TMEM232: variants seen among roughly 807,000 people sequenced by gnomAD.
The protein encoded by TMEM232 is transmembrane protein 232.
In TMEM232, 80 loss-of-function variants were observed where a neutral mutation model predicts 78.8. The ratio of observed to expected loss-of-function variants is 1.01; its 90% CI spans 0.85 to 1.22. The LOEUF (loss-of-function observed/expected upper bound fraction) is 1.22. Ranked by LOEUF, TMEM232 falls within the 50% of genes most tolerant of loss-of-function variation. The pLI is 0.00. For missense variants in TMEM232, 881 were observed against 742.2 expected, an observed-to-expected ratio of 1.19 and a Z score of -2.17; for synonymous variants, 297 against 254.3, an observed-to-expected ratio of 1.17 and a Z score of -1.60.
At chr5:110,642,042 G>A (rs1786804384) in intron 3 of TMEM232, among the ~76,000 whole-genome samples, 1 of 151,898 alleles carries the variant, frequency 6.6e-6, no homozygotes, top group Non-Finnish European at 1.5e-5. Flanking sequence ...GTTTTGCTAT[G>A]GGCTGCTGGA....
chr5:110,527,801 A>G (rs908259152), intron 12 of TMEM232, among the ~76,000 whole-genome samples: 2 of 152,030 alleles, frequency 1.3e-5, no homozygotes, highest in Admixed American at 1.3e-4. Flanking sequence ...AGCTGACTTT[A>G]TAGTAAATGT....
chr5:110,539,617 T>C (rs1404180637), intron 11 of TMEM232, among the ~76,000 whole-genome samples: 1 of 152,182 alleles, frequency 6.6e-6, no homozygotes, highest in East Asian at 1.9e-4. Context: ...CTCAAGGTTT[T>C]TGGGACAGGC....
chr5:110,586,643 T>G (rs999888471), intron 10 of TMEM232, among the ~76,000 whole-genome samples: 18 of 151,724 alleles, frequency 1.2e-4, no homozygotes, highest in African/African-American at 4.4e-4. Flanking sequence ...TCAAAAACAT[T>G]CTTAATATGA....
intron 10 of TMEM232, among the ~76,000 whole-genome samples, chr5:110,581,692 C>T (rs920465244): frequency 6.6e-6 from 1 of 151,736 alleles, no homozygotes; most frequent in Non-Finnish European, 1.5e-5. Context: ...AGCTTCTGCA[C>T]AGTCAAAGGA....
At chr5:110,637,443 A>G (rs940875564) in intron 5 of TMEM232, among the ~76,000 whole-genome samples, 1 of 151,800 alleles carries the variant, frequency 6.6e-6, no homozygotes, top group African/African-American at 2.4e-5. Context: ...AAAATGTTCA[A>G]CTGATGGACT....
intron 9 of TMEM232, 89 bp from the exon 10 acceptor site, chr5:110,605,447 C>T: frequency 7.3e-7 from 1 of 1,368,790 alleles, no homozygotes; most frequent in Non-Finnish European, 9.7e-7. Flanking sequence ...TGTTAAAAGA[C>T]CATAATAAAC....
At chr5:110,557,476 G>T (rs1001682097) in intron 11 of TMEM232, among the ~76,000 whole-genome samples, 1 of 152,114 alleles carries the variant, frequency 6.6e-6, no homozygotes, top group Admixed American at 6.6e-5. Flanking sequence ...CTGCTATAAC[G>T]AAATACCTGA....
chr5:110,674,029 C>T (rs1012675921), intron 1 of TMEM232, among the ~76,000 whole-genome samples: 8 of 145,298 alleles, frequency 5.5e-5, no homozygotes, highest in South Asian at 2.2e-4. Flanking sequence ...AAAAAAAATT[C>T]GTTTTCCAAC....
intron 1 of TMEM232, among the ~76,000 whole-genome samples, chr5:110,672,118 G>C (rs2150148161): frequency 6.6e-6 from 1 of 152,222 alleles, no homozygotes; most frequent in African/African-American, 2.4e-5. Context: ...TTGACCTGAA[G>C]CTTTTGGCTA....
intron 12 of TMEM232, among the ~76,000 whole-genome samples, chr5:110,518,188 T>G (rs575813272): frequency 3.3e-5 from 5 of 152,116 alleles, no homozygotes; most frequent in Non-Finnish European, 7.4e-5. Flanking sequence ...GCAGGCACTA[T>G]TGATCTCCAT....
At chr5:110,524,364 AAAG>A (rs1281307443) in intron 12 of TMEM232, among the ~76,000 whole-genome samples, 10 of 54,782 alleles carry the variant, frequency 1.8e-4, no homozygotes, top group Admixed American at 5.9e-4. Flanking sequence ...AGAAAGAAAA[AAAG>A]AAAGAAAGAA....
intron 12 of TMEM232, among the ~76,000 whole-genome samples, chr5:110,501,903 G>A (rs1766305032): frequency 6.6e-6 from 1 of 152,156 alleles, no homozygotes; most frequent in Non-Finnish European, 1.5e-5. Flanking sequence ...TTGTAGGGAA[G>A]TGAAATGTTG....
chr5:110,630,459 G>C (rs955778515), intron 5 of TMEM232, among the ~76,000 whole-genome samples: 12 of 152,148 alleles, frequency 7.9e-5, no homozygotes, highest in African/African-American at 2.9e-4. Context: ...CACATGTCGG[G>C]GGAGGGGCCC....
At chr5:110,505,790 G>A (rs1766818008) in intron 12 of TMEM232, among the ~76,000 whole-genome samples, 1 of 152,138 alleles carries the variant, frequency 6.6e-6, no homozygotes, top group African/African-American at 2.4e-5. Context: ...GATTACAGGC[G>A]TGAGCCACTG....
intron 7 of TMEM232, 52 bp downstream of exon 7, chr5:110,625,215 G>A: frequency 1.4e-6 from 2 of 1,410,430 alleles, no homozygotes; most frequent in Non-Finnish European, 1.9e-6. Flanking sequence ...TCATAGTAAT[G>A]ATATCTGATG....
At chr5:110,589,063 C>T (rs111542917) in intron 10 of TMEM232, among the ~76,000 whole-genome samples, 60 of 152,010 alleles carry the variant, frequency 3.9e-4, no homozygotes, top group Middle Eastern at 3.4e-3. Context: ...CATAGGAAGA[C>T]GGCATTTCAA....
In TMEM232 at chr5:110,411,549, C is replaced by G. The variant is rs569448401; in HGVS notation, n.308+13274G>C. On this transcript the variant is annotated intron_variant and non_coding_transcript_variant, in intron 2 of 8. Transcript: ENST00000507188. ...AAGTATATTTACATTGTTGAGCAAT[C>G]TCTAGAAATTTTCATCATATAAAAC... Among the ~76,000 whole-genome samples the G allele has an allele frequency of 2.6e-5, 4 of 152,224 alleles. No homozygotes were observed. In the South Asian group the frequency reaches 6.2e-4, roughly 24 times the overall value.
chr5:110,602,203 AC>A (rs1460441786), intron 10 of TMEM232, among the ~76,000 whole-genome samples: 1 of 152,154 alleles, frequency 6.6e-6, no homozygotes, highest in Non-Finnish European at 1.5e-5. Flanking sequence ...CTAGAAGAAA[AC>A]CTAAGCAATA....
chr5:110,511,274 C>T (rs1169266910), intron 12 of TMEM232, among the ~76,000 whole-genome samples: 2 of 151,836 alleles, frequency 1.3e-5, no homozygotes, highest in African/African-American at 4.8e-5. Context: ...GAGGGGAACA[C>T]CACACACCAG....
Sources: allele counts gnomAD v4.1 joint callset (sites outside exome capture counted in the v4.1 genomes callset), GRCh38; gene constraint gnomAD v4.1.1; transcripts MANE v1.5; gene names NCBI Gene and HGNC (gene_info 2026-07-23, HGNC 2026-07-21).